Variants in SYNPR observed in about 807,000 individuals in gnomAD.
SYNPR encodes the protein synaptoporin.
Under a neutral mutation model 32.9 loss-of-function variants are expected in SYNPR, and 23 were observed. That is an observed-to-expected ratio of 0.70 (90% CI 0.50 to 0.99). The LOEUF (loss-of-function observed/expected upper bound fraction) is 0.99. SYNPR is among the 50% of genes least tolerant of loss of function. The pLI, the probability that SYNPR is intolerant of heterozygous loss-of-function variation, is 0.00. For synonymous variants in SYNPR, 146 were observed against 135.9 expected (o/e 1.07, Z -0.52); for missense variants, 318 against 349.3 (o/e 0.91, Z 0.71).
In SYNPR at chr3:63,477,596, C is replaced by T. The variant is rs148925007; in HGVS notation, c.85-3236C>T. 2.0e-4 allele frequency among the ~76,000 whole-genome samples: 30 copies of T among 152,290 alleles called. No homozygotes were observed. The East Asian group carries it at 5.8e-3, about 30-fold the overall frequency. ...CTCACACCTTTATCTCGGCTGCCTG[C>T]TCTGGCTCTTCAGCTCGTCTAAGCA... On this transcript the variant is annotated intron_variant, in intron 2 of 5. Coordinates refer to ENST00000478300, the MANE Select transcript of SYNPR (RefSeq NM_001130003.2).
intron 2 of SYNPR, among the ~76,000 whole-genome samples, chr3:63,260,875 GA>G (rs202160886): frequency 0.22 from 31,356 of 144,566 alleles, 4,105 homozygotes; most frequent in Admixed American, 0.32. Flanking sequence ...AAATTTACAA[GA>G]AAAAAAAAAA....
intron 3 of SYNPR, 37 bp downstream of exon 3, chr3:63,480,993 G>C (rs1165968499): frequency 6.3e-7 from 1 of 1,591,736 alleles, no homozygotes; most frequent in African/African-American, 1.3e-5. Context: ...AGCCTCACAG[G>C]GGGTTATTTC....
intron 2 of SYNPR, among the ~76,000 whole-genome samples, chr3:63,299,235 G>A (rs1394744508): frequency 6.6e-6 from 1 of 152,116 alleles, no homozygotes; most frequent in East Asian, 1.9e-4. Flanking sequence ...TGAGGGATAG[G>A]GAGAGGGAGA....
At chr3:63,552,342 T>C (rs886843160) in intron 3 of SYNPR, among the ~76,000 whole-genome samples, 3 of 152,186 alleles carry the variant, frequency 2.0e-5, no homozygotes, top group Non-Finnish European at 2.9e-5. Flanking sequence ...ATCCATTTCA[T>C]TTTTCAGTAT....
chr3:63,301,485 G>C (rs2086857091), intron 2 of SYNPR, among the ~76,000 whole-genome samples: 1 of 151,948 alleles, frequency 6.6e-6, no homozygotes, highest in Non-Finnish European at 1.5e-5. Flanking sequence ...GGAAGAAATG[G>C]GTAGAAGGCA....
chr3:63,420,603 A>C (rs972937953), intron 2 of SYNPR, among the ~76,000 whole-genome samples: 1 of 152,214 alleles, frequency 6.6e-6, no homozygotes, highest in African/African-American at 2.4e-5. Context: ...TATAGTTTTA[A>C]AAATGGAAAA....
intron 3 of SYNPR, among the ~76,000 whole-genome samples, chr3:63,511,308 G>A (rs1477168374): frequency 6.6e-6 from 1 of 152,042 alleles, no homozygotes; most frequent in Non-Finnish European, 1.5e-5. Flanking sequence ...GAAAGAGGAG[G>A]AGTTCATATC....
At chr3:63,414,150 A>G (rs975012535) in intron 2 of SYNPR, among the ~76,000 whole-genome samples, 1 of 152,042 alleles carries the variant, frequency 6.6e-6, no homozygotes, top group Admixed American at 6.6e-5. Flanking sequence ...TGAATAAGAT[A>G]ATGATTCTTA....
Position 63,556,546 on chromosome 3 carries a change from GCAC to G in SYNPR, c.216_218del (p.His72del). The G allele has an allele frequency of 6.2e-7, 1 of 1,608,118 alleles. No homozygotes were observed. Among genetic ancestry groups the G allele is most frequent in the Non-Finnish European group, 8.5e-7 (1 of 1,176,948 alleles). On this transcript the variant is annotated inframe_deletion, in exon 4 of 6. Transcript: ENST00000478300. ...CTCCTTAAATCTGGCAATTTAGGTT[GCAC>G]CAGGTGACGTTTGAGGTGCCCACCT...
rs181852545 is a variant in SYNPR at position 63,423,392 on chromosome 3, G to A, written c.85-57440G>A. ...GAGAAAAGAAAGGCTTTGTTACAAGGCTGGCCAGCGAGGAGACAGGAGAAG... is the reference window on the plus strand; with the variant it reads ...GAGAAAAGAAAGGCTTTGTTACAAGACTGGCCAGCGAGGAGACAGGAGAAG... On this transcript the variant is annotated intron_variant, in intron 2 of 5. Transcript: ENST00000478300. 1.3e-3 allele frequency among the ~76,000 whole-genome samples: 200 copies of A among 152,284 alleles called. 1 individual carries two copies. The highest frequency in any genetic ancestry group is 4.6e-3 in the African/African-American group (192 of 41,570).
chr3:63,419,134 A>G, intron 2 of SYNPR, among the ~76,000 whole-genome samples: 1 of 152,204 alleles, frequency 6.6e-6, no homozygotes, highest in East Asian at 1.9e-4. Context: ...GGGAAGGGTC[A>G]CAGCCTGTTC....
intron 3 of SYNPR, among the ~76,000 whole-genome samples, chr3:63,268,610 C>T (rs567797137): frequency 2.0e-5 from 3 of 152,084 alleles, no homozygotes; most frequent in South Asian, 2.1e-4. Flanking sequence ...TATAAGTAGA[C>T]GTGGATCATC....
intron 3 of SYNPR, among the ~76,000 whole-genome samples, chr3:63,269,150 G>A (rs1184423598): frequency 6.6e-6 from 1 of 152,204 alleles, no homozygotes; most frequent in East Asian, 1.9e-4. Flanking sequence ...AAAGGTGGGT[G>A]TGGGAGTTCA....
intron 2 of SYNPR, among the ~76,000 whole-genome samples, chr3:63,386,974 T>C (rs1164046937): frequency 6.6e-6 from 1 of 152,216 alleles, no homozygotes; most frequent in East Asian, 1.9e-4. Context: ...GGCAGTGATC[T>C]CTCAAGAATC....
At chr3:63,581,487 A>C (rs542643315) in intron 4 of SYNPR, among the ~76,000 whole-genome samples, 2 of 152,268 alleles carry the variant, frequency 1.3e-5, no homozygotes, top group African/African-American at 2.4e-5. Flanking sequence ...ACAAACAAAC[A>C]CACGCACACA....
intron 2 of SYNPR, among the ~76,000 whole-genome samples, chr3:63,286,136 T>G (rs2086678405): frequency 1.3e-5 from 2 of 152,192 alleles, no homozygotes; most frequent in Admixed American, 1.3e-4. Flanking sequence ...GCCCTCAAAC[T>G]GGCAAGTCTA....
intron 2 of SYNPR, among the ~76,000 whole-genome samples, chr3:63,475,653 C>A (rs112783747): frequency 1.1e-4 from 17 of 152,142 alleles, no homozygotes; most frequent in Admixed American, 5.9e-4. Context: ...TATAGTATTA[C>A]AGAGTCATCC....
chr3:63,257,686 T>C (rs568943069), intron 2 of SYNPR, among the ~76,000 whole-genome samples: 2 of 152,254 alleles, frequency 1.3e-5, no homozygotes, highest in African/African-American at 4.8e-5. Context: ...CCAGCTAACA[T>C]CATAATGACA....
intron 2 of SYNPR, among the ~76,000 whole-genome samples, chr3:63,451,907 A>G (rs1207970753): frequency 1.3e-5 from 2 of 152,168 alleles, no homozygotes; most frequent in East Asian, 3.9e-4. Flanking sequence ...ATCTGCTGGC[A>G]TTCCTCTCCC....
Sources: allele counts gnomAD v4.1 joint callset (sites outside exome capture counted in the v4.1 genomes callset), GRCh38; gene constraint gnomAD v4.1.1; transcripts MANE v1.5; gene names NCBI Gene and HGNC (gene_info 2026-07-23, HGNC 2026-07-21).